GRIA1: variants seen among roughly 807,000 people sequenced by gnomAD.
GRIA1 encodes glutamate ionotropic receptor AMPA type subunit 1, also known as glutamate receptor 1.
GRIA1 carries 31 observed loss-of-function variants against 99.2 expected under a neutral mutation model. The observed-to-expected ratio is 0.31, with a 90% CI of 0.23 to 0.42. The LOEUF (loss-of-function observed/expected upper bound fraction) is 0.42. Ranked by LOEUF, GRIA1 falls within the 10% of genes least tolerant of loss-of-function variation. The pLI, the probability that GRIA1 is intolerant of heterozygous loss-of-function variation, is 1.00. For synonymous variants in GRIA1, 438 were observed against 432.4 expected (o/e 1.01, Z -0.16); for missense variants, 782 against 1,157.5 (o/e 0.68, Z 4.71).
At chr5:153,676,156 A>G (rs895314560) in intron 6 of GRIA1, among the ~76,000 whole-genome samples, 2 of 152,162 alleles carry the variant, frequency 1.3e-5, no homozygotes, top group Non-Finnish European at 2.9e-5. Flanking sequence ...TGCGCCCGGC[A>G]TGTAATTTAA....
At chr5:153,526,675 T>C (rs1048664986) in intron 2 of GRIA1, among the ~76,000 whole-genome samples, 2 of 152,246 alleles carry the variant, frequency 1.3e-5, no homozygotes, top group Non-Finnish European at 2.9e-5. Flanking sequence ...TTAAAAATAC[T>C]GTTCACATGC....
intron 11 of GRIA1, among the ~76,000 whole-genome samples, chr5:153,749,286 T>C (rs1473799172): frequency 6.6e-6 from 1 of 152,184 alleles, no homozygotes; most frequent in Non-Finnish European, 1.5e-5. Context: ...GGATTCATTA[T>C]CTCCCTTTTT....
intron 10 of GRIA1, among the ~76,000 whole-genome samples, chr5:153,702,245 C>T (rs115356735): frequency 1.5e-3 from 221 of 152,334 alleles, no homozygotes; most frequent in African/African-American, 5.1e-3. Context: ...GAAGTTTCTG[C>T]TCCTCACATG....
chr5:153,778,186 AGAGAGAGTGTGTGT>A (rs1395023392), intron 13 of GRIA1, among the ~76,000 whole-genome samples: 10 of 82,308 alleles, frequency 1.2e-4, no homozygotes, highest in East Asian at 1.8e-3. Flanking sequence ...AGAGAGAGAG[AGAGAGAGTGTGTGT>A]GTGTGTGTGT....
intron 2 of GRIA1, among the ~76,000 whole-genome samples, chr5:153,507,371 G>T (rs994953772): frequency 6.6e-6 from 1 of 151,930 alleles, no homozygotes; most frequent in Non-Finnish European, 1.5e-5. Context: ...CACCACAGGG[G>T]TCCTCTCTCA....
Position 153,677,029 on chromosome 5 carries a change from G to A in GRIA1, c.897G>A (p.Val299=). The change falls in exon 7 of 16, where the codon GTG becomes GTA. Residue 299 remains valine (V), a synonymous_variant. Transcript: ENST00000285900. ...CGCTCACCTACGATGGGGTGAAGGT[G>A]ATGGCTGAGGCTTTCCAGAGCCTGC... ...TSALTYDGVK[V]MAEAFQSLRR... 1 of 1,557,854 alleles carries A rather than the reference G, an allele frequency of 6.4e-7. No homozygotes were observed. The highest frequency in any genetic ancestry group is 8.7e-7 in the Non-Finnish European group (1 of 1,146,860).
intron 11 of GRIA1, among the ~76,000 whole-genome samples, chr5:153,747,307 G>C (rs968552977): frequency 1.3e-5 from 2 of 152,194 alleles, no homozygotes; most frequent in African/African-American, 4.8e-5. Context: ...ACAACCAGCA[G>C]TTGCATGAAC....
At chr5:153,544,401 G>A (rs2113507732) in intron 2 of GRIA1, among the ~76,000 whole-genome samples, 1 of 152,300 alleles carries the variant, frequency 6.6e-6, no homozygotes, top group East Asian at 1.9e-4. Flanking sequence ...GGTCATCTGT[G>A]CTCATGGCAT....
intron 2 of GRIA1, among the ~76,000 whole-genome samples, chr5:153,501,092 G>A (rs1754971517): frequency 1.3e-5 from 2 of 152,170 alleles, no homozygotes; most frequent in African/African-American, 2.4e-5. Context: ...TCTAAGGAAA[G>A]CTCTAGACTT....
rs111386280 is a variant in GRIA1, at chr5:153,756,145, A to C, written c.1824-8289A>C. On this transcript the variant is annotated intron_variant, in intron 11 of 15. Coordinates refer to ENST00000285900, the MANE Select transcript of GRIA1 (RefSeq NM_000827.4). ...CAGCTTATTAAAGCTTGCACAAGGA[A>C]CCAGAGGGAAACTCACTCATACCTC... Among the ~76,000 whole-genome samples the C allele has an allele frequency of 6.0e-3, 919 of 152,362 alleles. 10 individuals are homozygous for C. The highest frequency in any genetic ancestry group is 0.021 in the African/African-American group (878 of 41,592).
chr5:153,696,092 G>A (rs932238436), intron 8 of GRIA1, among the ~76,000 whole-genome samples: 2 of 152,184 alleles, frequency 1.3e-5, no homozygotes, highest in East Asian at 3.8e-4. Flanking sequence ...TGTCTGGCAT[G>A]CAGGGGGCAC....
intron 11 of GRIA1, among the ~76,000 whole-genome samples, chr5:153,733,116 T>A (rs1445713174): frequency 1.3e-5 from 2 of 151,928 alleles, no homozygotes; most frequent in Non-Finnish European, 2.9e-5. Flanking sequence ...AATAATTTGT[T>A]ATTGGTTTGT....
chr5:153,540,383 C>A (rs10036623), intron 2 of GRIA1, among the ~76,000 whole-genome samples: 18,956 of 152,200 alleles, frequency 0.12, 1,250 homozygotes, highest in Middle Eastern at 0.14. Flanking sequence ...AGATCTGAGT[C>A]TATGACATGT....
chr5:153,521,703 T>A (rs529543445), intron 2 of GRIA1, among the ~76,000 whole-genome samples: 1 of 152,140 alleles, frequency 6.6e-6, no homozygotes, highest in Non-Finnish European at 1.5e-5. Flanking sequence ...GAAAATAATA[T>A]GATAGCTGAC....
intron 2 of GRIA1, among the ~76,000 whole-genome samples, chr5:153,525,734 C>G (rs1000672918): frequency 2.0e-5 from 3 of 152,112 alleles, no homozygotes; most frequent in Non-Finnish European, 1.5e-5. Context: ...GTGGTTAGCC[C>G]TGTAGCTGGA....
At chr5:153,536,067 C>T (rs74347569) in intron 2 of GRIA1, among the ~76,000 whole-genome samples, 2,221 of 152,234 alleles carry the variant, frequency 0.015, 60 homozygotes, top group African/African-American at 0.05. Flanking sequence ...ATCCAGCCTC[C>T]GTAGTGTGAT....
At chr5:153,610,885 C>T (rs913178732) in intron 2 of GRIA1, among the ~76,000 whole-genome samples, 1 of 152,192 alleles carries the variant, frequency 6.6e-6, no homozygotes, top group African/African-American at 2.4e-5. Flanking sequence ...ATGCTCAACA[C>T]GTTTATCGTG....
chr5:153,753,741 A>T (rs1366747660), intron 11 of GRIA1, among the ~76,000 whole-genome samples: 1 of 151,706 alleles, frequency 6.6e-6, no homozygotes, highest in Non-Finnish European at 1.5e-5. Flanking sequence ...GGGTTTGGGA[A>T]AAGCCATGCC....
intron 2 of GRIA1, among the ~76,000 whole-genome samples, chr5:153,579,881 AAAC>A (rs1489786343): frequency 7.0e-6 from 1 of 141,954 alleles, no homozygotes; most frequent in African/African-American, 2.8e-5. Context: ...GAAAAAACAA[AAAC>A]AAACAAACAA....
Sources: gnomAD v4.1 joint callset for allele counts (sites outside exome capture counted in the v4.1 genomes callset) on GRCh38, gnomAD v4.1.1 for gene constraint, MANE v1.5 for transcripts, NCBI Gene and HGNC (gene_info 2026-07-23, HGNC 2026-07-21) for gene names.